PYGL: variants seen among roughly 807,000 people sequenced by gnomAD.
PYGL encodes glycogen phosphorylase L, also known as glycogen phosphorylase, liver form.
Under a neutral mutation model 100.1 loss-of-function variants are expected in PYGL, and 90 were observed. The ratio of observed to expected loss-of-function variants is 0.90; its 90% CI spans 0.76 to 1.07. The LOEUF (loss-of-function observed/expected upper bound fraction) is 1.07, where lower values mean the gene tolerates loss of function less well. PYGL is among the 50% of genes least tolerant of loss of function. PYGL has a pLI of 0.00. For missense variants in PYGL, 1,016 were observed against 1,057.6 expected, an observed-to-expected ratio of 0.96 and a Z score of 0.55; for synonymous variants, 373 against 393.0, an observed-to-expected ratio of 0.95 and a Z score of 0.60.
Position 50,916,871 on chromosome 14 carries a change from TGTTAGCACTGAGAGAGA to T in PYGL, c.999+74_999+90del, listed in dbSNP as rs1374889269. On this transcript the variant is annotated intron_variant, in intron 8 of 19. Coordinates refer to ENST00000216392, the MANE Select transcript of PYGL (RefSeq NM_002863.5). Reference sequence around the variant, plus strand: ...GATGCACACTATTCCTGCTCAACGTTGTTAGCACTGAGAGAGAGGAATTAATCTGATAGGAAATCCCA... The same window carrying T: ...GATGCACACTATTCCTGCTCAACGTTGGAATTAATCTGATAGGAAATCCCA... 11 of 1,560,666 alleles carry T rather than the reference TGTTAGCACTGAGAGAGA, an allele frequency of 7.0e-6. No individual in the cohort carries two copies. In the African/African-American group the frequency reaches 1.2e-4, roughly 17 times the overall value.
In PYGL at chr14:50,937,759, C is replaced by T. The variant is rs745625131; in HGVS notation, c.322G>A (p.Ala108Thr). 5.0e-5 allele frequency: 80 copies of T among 1,613,822 alleles called. No individual in the cohort carries two copies. In the South Asian group the frequency reaches 8.7e-4, roughly 17 times the overall value. The change falls in exon 2 of 20, where the codon GCC becomes ACC. Residue 108 changes from alanine to threonine, a missense_variant. Physicochemically the swap from Ala to Thr is moderately conservative, Grantham distance 58. Transcript: ENST00000216392. ...ACCTGGTAAATGGCCTCATCACAGG[C>T]ATTTTGCAGACCGAGGTTGATCATG... Reference protein sequence around the residue: ...NTMINLGLQNACDEAIYQLGL... With the variant: ...NTMINLGLQNTCDEAIYQLGL...
At position 50,911,790 on chromosome 14, in the gene PYGL, C is replaced by A; in HGVS notation, c.1909G>T (p.Val637Phe). The A allele has an allele frequency of 6.2e-7, 1 of 1,614,200 alleles. No individual in the cohort carries two copies. Among genetic ancestry groups the A allele is most frequent in the Middle Eastern group, 1.6e-4 (1 of 6,062 alleles). The stretch of plus-strand genomic sequence containing the variant: ...AAGATGACTTTCAACTTGCTTCCAA[C>A]CATAGGGTCATTGTTCACCACATCT... Reference protein sequence around the residue: ...VADVVNNDPMVGSKLKVIFLE... With the variant: ...VADVVNNDPMFGSKLKVIFLE... The change falls in exon 16 of 20, where the codon GTT (valine) becomes TTT (phenylalanine). Residue 637 changes from valine to phenylalanine, a missense_variant. By Grantham distance (50) the Val-to-Phe change is conservative. Transcript: ENST00000216392.
chr14:50,909,896 CT>C lies in PYGL; in HGVS notation c.2175del (p.Tyr727ThrfsTer13). 1 of 1,614,164 alleles carries C rather than the reference CT, an allele frequency of 6.2e-7. No individual in the cohort carries two copies. The highest frequency in any genetic ancestry group is 8.5e-7 in the Non-Finnish European group (1 of 1,180,004). On this transcript the variant is annotated frameshift_variant and splice_region_variant, in exon 17 of 20. Coordinates refer to ENST00000216392, the MANE Select transcript of PYGL (RefSeq NM_002863.5). LOFTEE classifies it high-confidence loss of function. The part of the protein sequence containing the change: ...RIDDVAALDK[K>X]GYEAKEYYEA... Reference sequence around the variant, plus strand: ...AGCAAAGAGAAGCTATTCTCTTACCCTTTCTTGTCCAAAGCAGCCACATCAT... The same window carrying C: ...AGCAAAGAGAAGCTATTCTCTTACCCTTCTTGTCCAAAGCAGCCACATCAT...
At chr14:50,940,050 T>C (rs191122468) in intron 1 of PYGL, among the ~76,000 whole-genome samples, 161 of 152,332 alleles carry the variant, frequency 1.1e-3, no homozygotes, top group African/African-American at 3.6e-3. Context: ...ATGTCTATAA[T>C]GCTGTTACTA....
chr14:50,935,624 G>A (rs774938392), intron 2 of PYGL, among the ~76,000 whole-genome samples: 2 of 152,200 alleles, frequency 1.3e-5, no homozygotes, highest in African/African-American at 4.8e-5. Flanking sequence ...AATTGTGTGT[G>A]TGTGTGTACA....
intron 1 of PYGL, among the ~76,000 whole-genome samples, chr14:50,939,496 A>T (rs1273023920): frequency 2.6e-5 from 4 of 152,222 alleles, no homozygotes; most frequent in Non-Finnish European, 5.9e-5. Flanking sequence ...GGTAAAAGTC[A>T]GGCAAATATC....
At position 50,935,337 on chromosome 14, in the gene PYGL, G is replaced by A. The variant is rs3818871; in HGVS notation, c.346-152C>T. 215,340 of 706,824 alleles carry A rather than the reference G, an allele frequency of 0.3. 37,577 individuals carry two copies. Among genetic ancestry groups the A allele is most frequent in the East Asian group, 0.58 (21,585 of 37,122 alleles). 43.8% of individuals were successfully genotyped at this position (706,824 alleles called of 1,614,324 possible). ...CCCTTGCAGCTTGTTCTGGCATCAG[G>A]TACTGACTGCAGAGGCAAACTGTAT... On this transcript the variant is annotated intron_variant, in intron 2 of 19. Transcript: ENST00000216392.
intron 4 of PYGL, among the ~76,000 whole-genome samples, chr14:50,928,780 G>T (rs190577360): frequency 3.5e-5 from 5 of 143,558 alleles, no homozygotes; most frequent in Non-Finnish European, 7.6e-5. Context: ...GCCTTTGTAA[G>T]AACAGTGTTA....
At position 50,915,329 on chromosome 14, in the gene PYGL, G is replaced by C. The variant is rs766707193; in HGVS notation, c.1403+7C>G. On this transcript the variant is annotated splice_region_variant and intron_variant, in intron 11 of 19. Transcript: ENST00000216392. ...TCAGACCCACTGCCAGAGTAATGGA[G>C]GCTCACACTTTAGTCTTCACGATGT... The C allele has an allele frequency of 9.3e-6, 15 of 1,613,906 alleles. No homozygotes were observed. The highest frequency in any genetic ancestry group is 1.3e-5 in the Non-Finnish European group (15 of 1,179,906).
At chr14:50,921,250 C>G in intron 5 of PYGL, 183 bp from the exon 6 acceptor site, 1 of 597,610 alleles carries the variant, frequency 1.7e-6, no homozygotes, top group Non-Finnish European at 3.0e-6. Flanking sequence ...ACATGTGGTT[C>G]CTCCCCGACC....
intron 3 of PYGL, among the ~76,000 whole-genome samples, chr14:50,933,913 C>T (rs9635167): frequency 0.17 from 25,709 of 152,004 alleles, 2,756 homozygotes; most frequent in East Asian, 0.45. Context: ...GGCTTTAATG[C>T]AATTTGATTT....
At position 50,924,248 on chromosome 14, in the gene PYGL, A is replaced by C. The variant is rs548760492; in HGVS notation, c.529-148T>G. On this transcript the variant is annotated intron_variant, in intron 4 of 19. Coordinates refer to ENST00000216392, the MANE Select transcript of PYGL (RefSeq NM_002863.5). ...GTTTTGTAACTTTTTTACAGCCTAC[A>C]TCAACAATAATACTCGCTAATACAG... 152 of 832,008 alleles carry C rather than the reference A, an allele frequency of 1.8e-4. 2 individuals carry two copies. The highest frequency in any genetic ancestry group is 1.2e-3 in the South Asian group (72 of 61,678). The allele number at this position is 832,008 out of a possible 1,614,324, so 51.5% of individuals were successfully genotyped here. A position where few individuals can be genotyped will look rare whatever the true frequency, so the allele number is the denominator to read the frequency against.
Position 50,905,379 on chromosome 14 carries a change from A to T in PYGL, c.*13T>A. ...CAGTAAGAAGCTATGTTTTCTAGAGACAATTCTAGAGTTCAATTTCCATTG... is the reference window on the plus strand; with the variant it reads ...CAGTAAGAAGCTATGTTTTCTAGAGTCAATTCTAGAGTTCAATTTCCATTG... On this transcript the variant is annotated 3_prime_UTR_variant, in exon 20 of 20. Coordinates refer to ENST00000216392, the MANE Select transcript of PYGL (RefSeq NM_002863.5). 6.5e-7 allele frequency: 1 copy of T among 1,542,444 alleles called. No individual in the cohort carries two copies. The highest frequency in any genetic ancestry group is 8.8e-7 in the Non-Finnish European group (1 of 1,142,696).
intron 11 of PYGL, 83 bp downstream of exon 11, chr14:50,915,253 C>T: frequency 6.6e-7 from 1 of 1,510,450 alleles, no homozygotes; most frequent in Non-Finnish European, 9.2e-7. Flanking sequence ...CTTTCCTCAT[C>T]CCTAAGTGCA....
At chr14:50,922,632 G>A (rs949183222) in intron 5 of PYGL, among the ~76,000 whole-genome samples, 7 of 152,088 alleles carry the variant, frequency 4.6e-5, no homozygotes, top group African/African-American at 7.2e-5. Flanking sequence ...CCAAAGCTGC[G>A]CTCTCTGGGA....
chr14:50,915,178 C>CTTTTT (rs71121612), intron 11 of PYGL, 158 bp downstream of exon 11: 29 of 791,554 alleles, frequency 3.7e-5, no homozygotes, highest in African/African-American at 3.5e-4. Context: ...CTTTTCTTTT[C>CTTTTT]TTTTTTTTTT....
At chr14:50,942,548 G>A (rs1280972173) in intron 1 of PYGL, among the ~76,000 whole-genome samples, 2 of 140,296 alleles carry the variant, frequency 1.4e-5, no homozygotes. Flanking sequence ...GTGGCCGAGT[G>A]TGGTGGCTCA....
intron 3 of PYGL, among the ~76,000 whole-genome samples, chr14:50,933,329 G>A (rs1339340594): frequency 6.6e-6 from 1 of 152,056 alleles, no homozygotes; most frequent in African/African-American, 2.4e-5. Flanking sequence ...TATCCCACAG[G>A]CATTGTTTTA....
At chr14:50,912,432 C>G in intron 13 of PYGL, 129 bp from the exon 14 acceptor site, 1 of 1,161,860 alleles carries the variant, frequency 8.6e-7, no homozygotes, top group South Asian at 1.2e-5. Flanking sequence ...GATCTCAGAT[C>G]ACCGCAGCCT....
Sources: allele counts gnomAD v4.1 joint callset (sites outside exome capture counted in the v4.1 genomes callset), GRCh38; gene constraint gnomAD v4.1.1; transcripts MANE v1.5; gene names NCBI Gene and HGNC (gene_info 2026-07-23, HGNC 2026-07-21).